Variants in WSCD1 observed in about 807,000 individuals in gnomAD.
WSCD1 encodes the protein WSC domain sialate O sulfotransferase 1, also known as sialate:O-sulfotransferase 1.
Under a neutral mutation model 60.4 loss-of-function variants are expected in WSCD1, and 41 were observed. The observed-to-expected ratio is 0.68, with a 90% confidence interval of 0.53 to 0.88. The LOEUF (loss-of-function observed/expected upper bound fraction) is 0.88, where lower values mean the gene tolerates loss of function less well. Among genes scored for constraint, WSCD1 ranks in the 40% least tolerant of loss-of-function variants. The pLI is 0.00. For missense variants in WSCD1, 784 were observed against 796.2 expected (o/e 0.98, Z 0.18); for synonymous variants, 361 against 332.5 (o/e 1.09, Z -0.93).
At chr17:6,081,525 A>T (rs1246233680) in intron 2 of WSCD1, among the ~76,000 whole-genome samples, 3 of 152,086 alleles carry the variant, frequency 2.0e-5, no homozygotes, top group Non-Finnish European at 4.4e-5. Flanking sequence ...AGCCTGGCCA[A>T]CATGGTGAAA....
chr17:6,078,833 G>T (rs1428784322), intron 1 of WSCD1, among the ~76,000 whole-genome samples: 1 of 152,182 alleles, frequency 6.6e-6, no homozygotes, highest in African/African-American at 2.4e-5. Flanking sequence ...AGGGTCCAAA[G>T]CTGGAGGCAG....
rs1251242623 is a variant in WSCD1 at position 6,124,359 on chromosome 17, T to G, written c.*3698T>G. 2 of 152,242 alleles carry G rather than the reference T, an allele frequency of 1.3e-5. No homozygotes were observed. The highest frequency in any genetic ancestry group is 4.8e-5 in the African/African-American group (2 of 41,466). 9.4% of individuals were successfully genotyped at this position (152,242 alleles called of 1,614,324 possible). ...ATTGTTTAAGTACAGGATCAAGCCT[T>G]GCTTGAGATTGGCCTTACCTCTGGA... On this transcript the variant is annotated 3_prime_UTR_variant, in exon 9 of 9. Coordinates refer to ENST00000317744, the MANE Select transcript of WSCD1 (RefSeq NM_015253.2).
chr17:6,103,417 G>A (rs969474132), intron 5 of WSCD1, among the ~76,000 whole-genome samples: 3 of 152,146 alleles, frequency 2.0e-5, no homozygotes, highest in African/African-American at 7.2e-5. Context: ...ATGGTTGGGC[G>A]GTTCTGAGTC....
At position 6,110,805 on chromosome 17, in the gene WSCD1, C is replaced by A. The variant is rs909618019; in HGVS notation, c.1044C>A (p.Asn348Lys). Residue 348 changes from asparagine (N) to lysine (K), a missense_variant, in exon 7 of 9, where the codon AAC becomes AAA. By Grantham distance (94) the Asn-to-Lys change is moderately conservative (BLOSUM62 0). Coordinates refer to ENST00000317744, the MANE Select transcript of WSCD1 (RefSeq NM_015253.2). The surrounding 1 kb of genome is among the most constrained non-coding windows in gnomAD (Gnocchi z 4.8). ...GTACAGACAGGAGGTTCCTGCCTAA[C>A]AAATCCAAAGTGTTTGTGGCTTTGT... ...TRCTDRRFLP[N>K]KSKVFVALSS... 13 of 1,613,868 alleles carry A rather than the reference C, an allele frequency of 8.1e-6. No homozygotes were observed. The highest frequency in any genetic ancestry group is 1.1e-5 in the Non-Finnish European group (13 of 1,179,820).
intron 1 of WSCD1, among the ~76,000 whole-genome samples, chr17:6,073,562 G>A (rs576172997): frequency 3.7e-4 from 57 of 152,332 alleles, no homozygotes; most frequent in African/African-American, 8.7e-4. Context: ...CCCAGGAGGC[G>A]GAGGTTGCGG....
rs957917944 is a variant in WSCD1, at chr17:6,121,077, G to A, written c.*416G>A. 4.1e-5 allele frequency: 8 copies of A among 195,690 alleles called. No homozygotes were observed. The highest frequency in any genetic ancestry group is 2.3e-4 in the South Asian group (2 of 8,768). 12.1% of individuals were successfully genotyped at this position (195,690 alleles called of 1,614,324 possible). A position where few individuals can be genotyped will look rare whatever the true frequency, so the allele number is the denominator to read the frequency against. On this transcript the variant is annotated 3_prime_UTR_variant, in exon 9 of 9. Coordinates refer to ENST00000317744, the MANE Select transcript of WSCD1 (RefSeq NM_015253.2). Reference sequence around the variant, plus strand: ...GATACACGTGCGCTCCCTGGGATCCGGGAGGCCCTGGGCTTCCTGTGTGTA... The same window carrying A: ...GATACACGTGCGCTCCCTGGGATCCAGGAGGCCCTGGGCTTCCTGTGTGTA...
Position 6,090,381 on chromosome 17 carries a change from A to G in WSCD1, c.603A>G (p.Pro201=), listed in dbSNP as rs757561426. 11 of 1,609,950 alleles carry G rather than the reference A, an allele frequency of 6.8e-6. No homozygotes were observed. Among genetic ancestry groups the G allele is most frequent in the African/African-American group, 1.3e-5 (1 of 74,658 alleles). The change falls in exon 4 of 9, where the codon CCA becomes CCG. Residue 201 remains proline, a synonymous_variant. Transcript: ENST00000317744. The part of the protein sequence containing the change: ...GAECYCGNRL[P]AVSVGLEECN... ...AGTGTTACTGCGGGAACCGGCTGCC[A>G]GCGGTGAGCGTGGGGCTGGAAGAGT... is the stretch of plus-strand genomic sequence containing the variant.
At chr17:6,084,227 G>C (rs1909472152) in intron 2 of WSCD1, among the ~76,000 whole-genome samples, 1 of 152,226 alleles carries the variant, frequency 6.6e-6, no homozygotes, top group African/African-American at 2.4e-5. Context: ...GTGAATGTGT[G>C]CCAGGACCGA....
rs1396106348 is a variant in WSCD1 at position 6,122,977 on chromosome 17, G to A, written c.*2316G>A. On this transcript the variant is annotated 3_prime_UTR_variant, in exon 9 of 9. Transcript: ENST00000317744. Reference sequence around the variant, plus strand: ...GGAAGAGCAACGGCCCTGTCAGCTGGCAGTGGTCCTCACAGCCTTCATCCC... The same window carrying A: ...GGAAGAGCAACGGCCCTGTCAGCTGACAGTGGTCCTCACAGCCTTCATCCC... The A allele has an allele frequency of 6.6e-6, 1 of 152,246 alleles. No homozygotes were observed. Among genetic ancestry groups the A allele is most frequent in the Non-Finnish European group, 1.5e-5 (1 of 68,092 alleles). 9.4% of individuals were successfully genotyped at this position (152,246 alleles called of 1,614,324 possible). A position where few individuals can be genotyped will look rare whatever the true frequency, so the allele number is the denominator to read the frequency against.
intron 5 of WSCD1, among the ~76,000 whole-genome samples, chr17:6,104,014 G>T (rs543200703): frequency 6.6e-6 from 1 of 152,304 alleles, no homozygotes; most frequent in South Asian, 2.1e-4. Context: ...GGCTTATTTG[G>T]CTCATGGTTC....
chr17:6,072,985 T>TA (rs1908634753), intron 1 of WSCD1, among the ~76,000 whole-genome samples: 1 of 152,208 alleles, frequency 6.6e-6, no homozygotes. Flanking sequence ...GCCCCTCCCC[T>TA]TCACTTCGCT....
At chr17:6,114,290 A>G (rs970405908) in intron 7 of WSCD1, among the ~76,000 whole-genome samples, 3 of 152,190 alleles carry the variant, frequency 2.0e-5, no homozygotes, top group Non-Finnish European at 2.9e-5. Flanking sequence ...GTCAAAGCTT[A>G]AAAAGTTGAT....
intron 5 of WSCD1, among the ~76,000 whole-genome samples, chr17:6,103,925 A>G (rs1224830906): frequency 2.6e-5 from 4 of 152,168 alleles, no homozygotes; most frequent in Admixed American, 2.0e-4. Flanking sequence ...ACTCACACCT[A>G]TAGACTCCAG....
intron 3 of WSCD1, among the ~76,000 whole-genome samples, chr17:6,089,932 T>C (rs905046975): frequency 6.6e-6 from 1 of 152,178 alleles, no homozygotes; most frequent in African/African-American, 2.4e-5. Flanking sequence ...AGGCCAGCCA[T>C]AGGCCGATGG....
At chr17:6,100,495 C>T (rs1261163298) in intron 5 of WSCD1, among the ~76,000 whole-genome samples, 3 of 152,218 alleles carry the variant, frequency 2.0e-5, no homozygotes, top group South Asian at 4.1e-4. Context: ...TTGTCTCGCC[C>T]GTGGATGTGG....
chr17:6,102,710 T>C (rs1358880133), intron 5 of WSCD1, among the ~76,000 whole-genome samples: 2 of 152,226 alleles, frequency 1.3e-5, no homozygotes, highest in African/African-American at 4.8e-5. Flanking sequence ...CTTCTCACAT[T>C]TGTTCCTTTT....
At chr17:6,114,243 G>A (rs1164378346) in intron 7 of WSCD1, among the ~76,000 whole-genome samples, 1 of 151,818 alleles carries the variant, frequency 6.6e-6, no homozygotes, top group Non-Finnish European at 1.5e-5. Context: ...AATAAACCAG[G>A]CACAGAAAGA....
chr17:6,119,375 TCGAGG>T (rs1904500260), intron 8 of WSCD1, among the ~76,000 whole-genome samples: 1 of 152,182 alleles, frequency 6.6e-6, no homozygotes, highest in Non-Finnish European at 1.5e-5. Context: ...GTCTCTGCCC[TCGAGG>T]CATGCACAGC....
Position 6,075,228 on chromosome 17 carries a change from T to C in WSCD1, c.-289+4576T>C, listed in dbSNP as rs1466934226. Among the ~76,000 whole-genome samples the C allele has an allele frequency of 6.6e-6, 1 of 152,162 alleles. No homozygotes were observed. The highest frequency in any genetic ancestry group is 1.9e-4 in the East Asian group (1 of 5,190). Reference sequence around the variant, plus strand: ...GCTGCAGCTGCCACAGTAGCTGAGATCCTTCTGGGGATGTCTGGTGTCATT... The same window carrying C: ...GCTGCAGCTGCCACAGTAGCTGAGACCCTTCTGGGGATGTCTGGTGTCATT... On this transcript the variant is annotated intron_variant, in intron 1 of 8. Transcript: ENST00000317744. The surrounding 1 kb of genome is among the most constrained non-coding windows in gnomAD (Gnocchi z 4.1).
Sources: gnomAD v4.1 joint callset for allele counts (sites outside exome capture counted in the v4.1 genomes callset) on GRCh38, gnomAD v4.1.1 for gene constraint, Gnocchi (gnomAD v3.1) non-coding constraint, MANE v1.5 for transcripts, NCBI Gene and HGNC (gene_info 2026-07-23, HGNC 2026-07-21) for gene names.